Variants in EML4 observed in about 807,000 individuals in gnomAD.
EML4 encodes EMAP like 4, also known as echinoderm microtubule-associated protein-like 4.
In EML4, 72 loss-of-function variants were observed where a neutral mutation model predicts 129.0. That is an observed-to-expected ratio of 0.56 (90% CI 0.46 to 0.68). The LOEUF (loss-of-function observed/expected upper bound fraction) is 0.68. Ranked by LOEUF, EML4 falls within the 30% of genes least tolerant of loss-of-function variation. EML4 has a pLI of 0.00. For synonymous variants in EML4, 532 were observed against 405.0 expected (o/e 1.31, Z -3.77); for missense variants, 1,363 against 1,190.6 (o/e 1.14, Z -2.13).
At chr2:42,302,393 G>A (rs867543963) in intron 14 of EML4, among the ~76,000 whole-genome samples, 1 of 152,024 alleles carries the variant, frequency 6.6e-6, no homozygotes, top group Non-Finnish European at 1.5e-5. Context: ...AGTGGGTAGG[G>A]CATGTATTAT....
At chr2:42,251,737 A>T (rs1007048098) in intron 2 of EML4, among the ~76,000 whole-genome samples, 1 of 152,246 alleles carries the variant, frequency 6.6e-6, no homozygotes, top group Admixed American at 6.5e-5. Flanking sequence ...AAGATTTGGG[A>T]TATCAACTAG....
chr2:42,181,018 G>C (rs1283675799), intron 1 of EML4, among the ~76,000 whole-genome samples: 2 of 152,196 alleles, frequency 1.3e-5, no homozygotes, highest in African/African-American at 4.8e-5. Flanking sequence ...CAGAAGTGAA[G>C]CTGTGTTTGT....
chr2:42,216,275 C>T (rs1323866065), intron 1 of EML4, among the ~76,000 whole-genome samples: 5 of 109,730 alleles, frequency 4.6e-5, no homozygotes, highest in African/African-American at 1.8e-4. Flanking sequence ...TGGTGTCTTG[C>T]TCTGTCACCC....
In EML4 at chr2:42,330,195, G is replaced by C; in HGVS notation, c.2934G>C (p.Ser978=). The change falls in exon 23 of 23, where the codon TCG becomes TCC. Residue 978 remains serine, a synonymous_variant. Transcript: ENST00000318522. ...TTCTGGAGGACCAGCAAGACCCTTC[G>C]CCCTCGTCCTAACACCCTGGCTTCA... ...ATLLEDQQDP[S]PSS 6.2e-7 allele frequency: 1 copy of C among 1,612,544 alleles called. No individual in the cohort carries two copies. Among genetic ancestry groups the C allele is most frequent in the Non-Finnish European group, 8.5e-7 (1 of 1,179,748 alleles).
intron 17 of EML4, among the ~76,000 whole-genome samples, chr2:42,306,538 G>A (rs1321086796): frequency 1.8e-5 from 2 of 111,602 alleles, no homozygotes; most frequent in African/African-American, 6.5e-5. Context: ...TGTCACCCAA[G>A]CTGGAGTGCA....
chr2:42,322,258 A>G (rs1035503608), intron 19 of EML4, among the ~76,000 whole-genome samples: 2 of 152,238 alleles, frequency 1.3e-5, no homozygotes, highest in Non-Finnish European at 2.9e-5. Flanking sequence ...TTCTGTTCAT[A>G]TCATTAAAGG....
chr2:42,220,975 T>A (rs1263149637), intron 1 of EML4, among the ~76,000 whole-genome samples: 6 of 152,176 alleles, frequency 3.9e-5, no homozygotes, highest in African/African-American at 1.4e-4. Context: ...CTGCAGAAGT[T>A]TGAAGCTAGC....
chr2:42,262,989 T>C (rs1358969445), intron 4 of EML4, among the ~76,000 whole-genome samples, 189 bp from the exon 5 acceptor site: 1 of 152,228 alleles, frequency 6.6e-6, no homozygotes, highest in Non-Finnish European at 1.5e-5. Flanking sequence ...TACAGAAAAT[T>C]ATAATACAGA....
chr2:42,267,782 C>T (rs1558558329), intron 6 of EML4, among the ~76,000 whole-genome samples: 1 of 152,120 alleles, frequency 6.6e-6, no homozygotes, highest in Non-Finnish European at 1.5e-5. Context: ...TATGTTTATA[C>T]CCTGAAACCT....
At chr2:42,199,590 G>A (rs76507161) in intron 1 of EML4, among the ~76,000 whole-genome samples, 1,784 of 152,278 alleles carry the variant, frequency 0.012, 33 homozygotes, top group African/African-American at 0.041. Context: ...AATAGTTGCC[G>A]TTTTGACTCA....
intron 1 of EML4, among the ~76,000 whole-genome samples, chr2:42,210,895 A>G (rs990432912): frequency 3.7e-4 from 56 of 152,216 alleles, no homozygotes; most frequent in African/African-American, 1.2e-3. Context: ...CACTCAGTAG[A>G]TAGAAAATCA....
chr2:42,305,640 A>G (rs953141504), intron 17 of EML4, among the ~76,000 whole-genome samples: 1 of 152,238 alleles, frequency 6.6e-6, no homozygotes, highest in African/African-American at 2.4e-5. Context: ...TGATTTATAT[A>G]TCTTTAATTG....
intron 1 of EML4, among the ~76,000 whole-genome samples, chr2:42,218,650 T>G (rs1166962845): frequency 6.6e-6 from 1 of 152,146 alleles, no homozygotes; most frequent in East Asian, 1.9e-4. Flanking sequence ...CTATCATAGT[T>G]AGTTCAGTGT....
At position 42,277,592 on chromosome 2, in the gene EML4, C is replaced by T. The variant is rs937670022; in HGVS notation, c.668-3258C>T. On this transcript the variant is annotated intron_variant, in intron 6 of 22. Transcript: ENST00000318522. The stretch of plus-strand genomic sequence containing the variant: ...AACCTTTTTTTTTTTTTTTTTGAGA[C>T]GGAGTCTCACTCTGTCGCCAGGCTG... Among the ~76,000 whole-genome samples the T allele has an allele frequency of 8.1e-5, 11 of 135,854 alleles. 1 individual carries two copies. The East Asian group carries it at 2.1e-3, about 26-fold the overall frequency. The allele number at this position is 135,854 out of a possible 152,430, so 89.1% of individuals were successfully genotyped here.
chr2:42,231,596 C>T lies in EML4; in HGVS notation c.26-13909C>T, dbSNP rs534410569. 2.0e-5 allele frequency among the ~76,000 whole-genome samples: 3 copies of T among 152,224 alleles called. No homozygotes were observed. In the South Asian group the frequency reaches 6.2e-4, roughly 32 times the overall value. ...ACAGGGATCTTCCTGTACTTTTTAT[C>T]CTCTTATGTAATCAATGACCATATT... On this transcript the variant is annotated intron_variant, in intron 1 of 22. Transcript: ENST00000318522.
intron 11 of EML4, among the ~76,000 whole-genome samples, chr2:42,293,314 T>C (rs551705333): frequency 3.2e-4 from 48 of 152,176 alleles, no homozygotes; most frequent in Middle Eastern, 3.4e-3. Context: ...TGTTGCACAG[T>C]TGATCTCTAA....
At chr2:42,314,866 T>C (rs747442805) in intron 17 of EML4, among the ~76,000 whole-genome samples, 1 of 152,240 alleles carries the variant, frequency 6.6e-6, no homozygotes, top group Non-Finnish European at 1.5e-5. Flanking sequence ...CAAATACTTT[T>C]AGGAAAAAGG....
chr2:42,324,689 A>C (rs1253272069), intron 19 of EML4, among the ~76,000 whole-genome samples: 1 of 152,252 alleles, frequency 6.6e-6, no homozygotes, highest in Non-Finnish European at 1.5e-5. Flanking sequence ...GTAGGAGGTA[A>C]AAGCAAATTC....
At chr2:42,189,744 G>GC (rs1218058351) in intron 1 of EML4, among the ~76,000 whole-genome samples, 3 of 152,196 alleles carry the variant, frequency 2.0e-5, no homozygotes, top group Non-Finnish European at 4.4e-5. Flanking sequence ...AAGCACTGAA[G>GC]CCCAAGTCAT....
Sources: gnomAD v4.1 joint callset for allele counts (sites outside exome capture counted in the v4.1 genomes callset) on GRCh38, gnomAD v4.1.1 for gene constraint, MANE v1.5 for transcripts, NCBI Gene and HGNC (gene_info 2026-07-23, HGNC 2026-07-21) for gene names.